The following USP19 variants were observed in gnomAD, a reference collection of about 807,000 sequenced individuals.
USP19 encodes the protein ubiquitin carboxyl-terminal hydrolase 19.
A neutral mutation model predicts 144.8 loss-of-function variants in USP19; 40 were observed. That is an observed-to-expected ratio of 0.28 (90% CI 0.21 to 0.36). The LOEUF (loss-of-function observed/expected upper bound fraction) is 0.36. USP19 is among the 10% of genes least tolerant of loss of function. The pLI is 1.00. For synonymous variants in USP19, 701 were observed against 709.3 expected (o/e 0.99, Z 0.19); for missense variants, 1,518 against 1,822.5 (o/e 0.83, Z 3.04).
In USP19 at chr3:49,115,287, C is replaced by T. The variant is rs756705771; in HGVS notation, c.1963G>A (p.Val655Met). The T allele has an allele frequency of 5.0e-6, 8 of 1,614,136 alleles. No homozygotes were observed. Among genetic ancestry groups the T allele is most frequent in the East Asian group, 4.5e-5 (2 of 44,880 alleles). The change falls in exon 13 of 27, where the codon GTG (valine) becomes ATG (methionine). Residue 655 changes from valine to methionine, a missense_variant. This residue lies in a region of USP19 where 158 missense variants were observed against 277.3 expected (regional missense o/e 0.57). Coordinates refer to ENST00000417901, the MANE Select transcript of USP19 (RefSeq NM_001199161.2). The surrounding 1 kb of genome is among the most constrained non-coding windows in gnomAD (Gnocchi z 6.6). ...TGGRLAIGFA[V>M]LLRALWKGTH... ...CCCTTCCACAGCGCCCGAAGCAGCA[C>T]GGCAAAGCCAATGGCCAGACGCCCA...
chr3:49,115,809 C>T lies in USP19; in HGVS notation c.1607G>A (p.Arg536Gln), dbSNP rs372430770. The T allele has an allele frequency of 2.8e-5, 45 of 1,613,960 alleles. No individual in the cohort carries two copies. The South Asian group carries it at 4.0e-4, about 14-fold the overall frequency. ...RAVEKDKSKA[R>Q]SEDTGLDSVA... Reference sequence around the variant, plus strand: ...ACTGTCTAGCCCTGTGTCCTCAGATCGTGCCTTGGATTTATCCTTCTCCAC... The same window carrying T: ...ACTGTCTAGCCCTGTGTCCTCAGATTGTGCCTTGGATTTATCCTTCTCCAC... The change falls in exon 11 of 27, where the codon CGA becomes CAA. Residue 536 changes from arginine to glutamine, a missense_variant. Physicochemically the swap from Arg to Gln is conservative, Grantham distance 43. Coordinates refer to ENST00000417901, the MANE Select transcript of USP19 (RefSeq NM_001199161.2). The surrounding 1 kb of genome is among the most constrained non-coding windows in gnomAD (Gnocchi z 6.6).
At position 49,116,681 on chromosome 3, in the gene USP19, C is replaced by A. The variant is rs757055206; in HGVS notation, c.1126+46G>T. On this transcript the variant is annotated intron_variant, in intron 7 of 26. Transcript: ENST00000417901. This position sits in a 1 kb window ranked among gnomAD's most constrained non-coding sequence, Gnocchi z 5.0. ...TTGCTACTCTCTATCCACCTACAAA[C>A]TTTGCAACCCAACCTAGGGCTCTGC... 30 of 1,607,702 alleles carry A rather than the reference C, an allele frequency of 1.9e-5. No individual in the cohort carries two copies. In the Middle Eastern group the frequency reaches 2.0e-3, roughly 106 times the overall value.
rs2043371169 is a variant in USP19, at chr3:49,112,725, T to C, written c.2506-96A>G. 2.0e-6 allele frequency: 3 copies of C among 1,511,794 alleles called. No individual in the cohort carries two copies. Among genetic ancestry groups the C allele is most frequent in the East Asian group, 2.3e-5 (1 of 43,012 alleles). 93.6% of individuals were successfully genotyped at this position (1,511,794 alleles called of 1,614,324 possible). ...AAGGCTTGGCCCTGCCTTGGGTCTA[T>C]GTGGGCAGTGGTGAGGTCTGTAGGC... On this transcript the variant is annotated intron_variant, in intron 17 of 26. Coordinates refer to ENST00000417901, the MANE Select transcript of USP19 (RefSeq NM_001199161.2). The surrounding 1 kb of genome is among the most constrained non-coding windows in gnomAD (Gnocchi z 4.9).
Position 49,117,443 on chromosome 3 carries a change from G to A in USP19, c.600C>T (p.Ser200=). 6.2e-7 allele frequency: 1 copy of A among 1,614,162 alleles called. No individual in the cohort carries two copies. Among genetic ancestry groups the A allele is most frequent in the Non-Finnish European group, 8.5e-7 (1 of 1,180,032 alleles). The change falls in exon 5 of 27, where the codon TCC becomes TCT. Residue 200 remains serine, a synonymous_variant. Coordinates refer to ENST00000417901, the MANE Select transcript of USP19 (RefSeq NM_001199161.2). The surrounding 1 kb of genome is among the most constrained non-coding windows in gnomAD (Gnocchi z 4.4). ...CTGTACTACTAGAACTCACCAGGAG[G>A]GAGGGCCACGTGAGCATAGGCACCT... ...PKKVPMLTWP[S]LLKKPLGTQE...
chr3:49,119,097 G>T lies in USP19; in HGVS notation c.49C>A (p.Leu17Met). ...TTCTTCTTACTAGTGGTGTCCTCCA[G>T]TCCTGGGGGCCCTCTCCTTGGGCCT... ...ATGPRRGPPGLEDTTSKKKQK... is the reference protein window; with the variant it reads ...ATGPRRGPPGMEDTTSKKKQK... The change falls in exon 2 of 27, where the codon CTG becomes ATG. Residue 17 changes from leucine (L) to methionine (M), a missense_variant. By Grantham distance (15) the Leu-to-Met change is conservative. Around this residue, in one of 5 missense-constraint regions of USP19, gnomAD observed 707 missense variants for 728.9 expected, o/e 0.97. Coordinates refer to ENST00000417901, the MANE Select transcript of USP19 (RefSeq NM_001199161.2). The T allele has an allele frequency of 6.2e-7, 1 of 1,614,060 alleles. No homozygotes were observed. The highest frequency in any genetic ancestry group is 8.5e-7 in the Non-Finnish European group (1 of 1,180,008).
At position 49,117,809 on chromosome 3, in the gene USP19, T is replaced by C; in HGVS notation, c.320A>G (p.Asp107Gly). ...TKEGACEDPH[D>G]LLATPTPELL... The stretch of plus-strand genomic sequence containing the variant: ...CTCTGGAGTGGGAGTAGCCAAGAGA[T>C]CATGAGGGTCTTCACAAGCTCCTGA... The change falls in exon 4 of 27, where the codon GAT (aspartate) becomes GGT (glycine). Residue 107 changes from aspartate (D) to glycine (G), a missense_variant. Physicochemically the swap from Asp to Gly is moderately conservative, Grantham distance 94. Around this residue, in one of 5 missense-constraint regions of USP19, gnomAD observed 707 missense variants for 728.9 expected, o/e 0.97. Coordinates refer to ENST00000417901, the MANE Select transcript of USP19 (RefSeq NM_001199161.2). This position sits in a 1 kb window ranked among gnomAD's most constrained non-coding sequence, Gnocchi z 4.4. 1 of 1,614,034 alleles carries C rather than the reference T, an allele frequency of 6.2e-7. No individual in the cohort carries two copies. Among genetic ancestry groups the C allele is most frequent in the Non-Finnish European group, 8.5e-7 (1 of 1,180,006 alleles).
chr3:49,118,511 G>A (rs1413362923), intron 2 of USP19, among the ~76,000 whole-genome samples: 2 of 151,856 alleles, frequency 1.3e-5, no homozygotes, highest in Non-Finnish European at 2.9e-5. Context: ...ACTTGAACCC[G>A]GGAGGCAGAG....
chr3:49,110,450 C>T lies in USP19; in HGVS notation c.3853G>A (p.Asp1285Asn). The T allele has an allele frequency of 6.2e-7, 1 of 1,614,010 alleles. No individual in the cohort carries two copies. The highest frequency in any genetic ancestry group is 8.5e-7 in the Non-Finnish European group (1 of 1,179,924). ...TGGCTGTGTGTGCCCTCACCCACGT[C>T]ACTGCGCTGACTGCTACGATCATTG... The part of the protein sequence containing the change: ...LPNDRSSQRS[D>N]VGWRLFDDST... The change falls in exon 25 of 27, where the codon GAC becomes AAC. Residue 1285 changes from aspartate (D) to asparagine (N), a missense_variant. Around this residue, in one of 5 missense-constraint regions of USP19, gnomAD observed 122 missense variants for 200.4 expected, o/e 0.61. Coordinates refer to ENST00000417901, the MANE Select transcript of USP19 (RefSeq NM_001199161.2). This position sits in a 1 kb window ranked among gnomAD's most constrained non-coding sequence, Gnocchi z 6.1.
chr3:49,113,874 A>T (rs2043615439), intron 17 of USP19, 118 bp downstream of exon 17: 8 of 1,117,240 alleles, frequency 7.2e-6, no homozygotes. Context: ...GACTACAGGC[A>T]TGAGCCACTG....
Position 49,115,144 on chromosome 3 carries a change from A to G in USP19, c.2023-27T>C, listed in dbSNP as rs1400178250. On this transcript the variant is annotated intron_variant, in intron 13 of 26. Coordinates refer to ENST00000417901, the MANE Select transcript of USP19 (RefSeq NM_001199161.2). This position sits in a 1 kb window ranked among gnomAD's most constrained non-coding sequence, Gnocchi z 6.6. ...TGGATACAGGAGCCAAGGTGTGAAC[A>G]TGAAGCCCTAGCACCCACTGCACAC... is the stretch of plus-strand genomic sequence containing the variant. The G allele has an allele frequency of 6.2e-7, 1 of 1,612,858 alleles. No individual in the cohort carries two copies. Among genetic ancestry groups the G allele is most frequent in the African/African-American group, 1.3e-5 (1 of 74,882 alleles).
At position 49,118,117 on chromosome 3, in the gene USP19, G is replaced by A. The variant is rs1195397149; in HGVS notation, c.128C>T (p.Thr43Ile). The change falls in exon 3 of 27, where the codon ACA becomes ATA. Residue 43 changes from threonine (T) to isoleucine (I), a missense_variant. By Grantham distance (89) the Thr-to-Ile change is moderately conservative. Around this residue, in one of 5 missense-constraint regions of USP19, gnomAD observed 707 missense variants for 728.9 expected, o/e 0.97. Transcript: ENST00000417901. The part of the protein sequence containing the change: ...ESKDGDPRKE[T>I]GSRYVAQAGL... ...AGCCTGGGCAACATATCGAGACCCT[G>A]TCTCTAAAAAAAAAATAAGAAAAAT... The A allele has an allele frequency of 2.4e-6, 3 of 1,243,454 alleles. No homozygotes were observed. The highest frequency in any genetic ancestry group is 3.4e-6 in the Non-Finnish European group (3 of 890,696). The allele number at this position is 1,243,454 out of a possible 1,614,324, so 77.0% of individuals were successfully genotyped here.
Position 49,112,735 on chromosome 3 carries a change from G to A in USP19, c.2506-106C>T. 6.8e-7 allele frequency: 1 copy of A among 1,473,324 alleles called. No individual in the cohort carries two copies. Among genetic ancestry groups the A allele is most frequent in the Non-Finnish European group, 9.1e-7 (1 of 1,100,998 alleles). The allele number at this position is 1,473,324 out of a possible 1,614,324, so 91.3% of individuals were successfully genotyped here. On this transcript the variant is annotated intron_variant, in intron 17 of 26. Coordinates refer to ENST00000417901, the MANE Select transcript of USP19 (RefSeq NM_001199161.2). The surrounding 1 kb of genome is among the most constrained non-coding windows in gnomAD (Gnocchi z 4.9). ...CCTGCCTTGGGTCTATGTGGGCAGT[G>A]GTGAGGTCTGTAGGCCCAAATAGGC... is the stretch of plus-strand genomic sequence containing the variant.
Position 49,111,599 on chromosome 3 carries a change from G to A in USP19, c.3118C>T (p.Pro1040Ser). The A allele has an allele frequency of 6.2e-7, 1 of 1,612,648 alleles. No homozygotes were observed. The highest frequency in any genetic ancestry group is 1.7e-5 in the Admixed American group (1 of 59,932). Residue 1040 changes from proline (P) to serine (S), a missense_variant, in exon 21 of 27, where the codon CCT becomes TCT. Transcript: ENST00000417901. This position sits in a 1 kb window ranked among gnomAD's most constrained non-coding sequence, Gnocchi z 5.9. Reference sequence around the variant, plus strand: ...GAAATTCCACTGGTGCTGGGCACAGGACCCCGGTCAGGGGCTGCCCACACC... The same window carrying A: ...GAAATTCCACTGGTGCTGGGCACAGAACCCCGGTCAGGGGCTGCCCACACC... ...PRVWAAPDRGPVPSTSGISSE... is the reference protein window; with the variant it reads ...PRVWAAPDRGSVPSTSGISSE...
rs996301432 is a variant in USP19, at chr3:49,114,593, C to A, written c.2292+170G>T. On this transcript the variant is annotated intron_variant, in intron 15 of 26. Coordinates refer to ENST00000417901, the MANE Select transcript of USP19 (RefSeq NM_001199161.2). This position sits in a 1 kb window ranked among gnomAD's most constrained non-coding sequence, Gnocchi z 4.5. ...CATCACTTTTCCCTCAGTCAGGAAGCCTACCCTGAGTGGGCTCTTCAGCCC... is the reference window on the plus strand; with the variant it reads ...CATCACTTTTCCCTCAGTCAGGAAGACTACCCTGAGTGGGCTCTTCAGCCC... Among the ~76,000 whole-genome samples, 1 of 152,244 alleles carries A rather than the reference C, an allele frequency of 6.6e-6. No homozygotes were observed. The highest frequency in any genetic ancestry group is 2.4e-5 in the African/African-American group (1 of 41,458).
In USP19 at chr3:49,115,082, G is replaced by C. The variant is rs1391327820; in HGVS notation, c.2058C>G (p.Gly686=). The C allele has an allele frequency of 6.2e-7, 1 of 1,614,204 alleles. No homozygotes were observed. The highest frequency in any genetic ancestry group is 1.1e-5 in the South Asian group (1 of 91,086). ...IVASKASQFT[G]YAQHDAQEFM... is the part of the protein sequence containing the mutation. The stretch of plus-strand genomic sequence containing the variant: ...ACTCCTGGGCATCATGCTGTGCATA[G>C]CCTGTGAACTGGCTGGCCTTACTCG... Residue 686 remains glycine (G), a synonymous_variant, in exon 14 of 27, where the codon GGC becomes GGG. Transcript: ENST00000417901. The surrounding 1 kb of genome is among the most constrained non-coding windows in gnomAD (Gnocchi z 6.6).
intron 2 of USP19, 141 bp from the exon 3 acceptor site, chr3:49,118,261 G>C: frequency 5.8e-6 from 2 of 342,442 alleles, no homozygotes; most frequent in South Asian, 7.5e-5. Context: ...GTGAGACCCT[G>C]CCTTTAAAAA....
Position 49,112,910 on chromosome 3 carries a change from A to G in USP19, c.2506-281T>C, listed in dbSNP as rs1029574433. ...GCCCTGCTATAACTAGCATAGCCTTATAAGACTGTAACATATTATCATGGA... is the reference window on the plus strand; with the variant it reads ...GCCCTGCTATAACTAGCATAGCCTTGTAAGACTGTAACATATTATCATGGA... On this transcript the variant is annotated intron_variant, in intron 17 of 26. Transcript: ENST00000417901. The surrounding 1 kb of genome is among the most constrained non-coding windows in gnomAD (Gnocchi z 4.9). Among the ~76,000 whole-genome samples the G allele has an allele frequency of 6.6e-5, 10 of 152,188 alleles. No homozygotes were observed. The highest frequency in any genetic ancestry group is 2.2e-4 in the African/African-American group (9 of 41,430).
At position 49,114,745 on chromosome 3, in the gene USP19, CA is replaced by C. The variant is rs1489162597; in HGVS notation, c.2292+17del. ...TGAGCTGAACTAGGGGGTCTCTTTC[CA>C]GGGGAGCCCATCACACCTTGGCACA... is the stretch of plus-strand genomic sequence containing the variant. On this transcript the variant is annotated intron_variant, in intron 15 of 26. Transcript: ENST00000417901. This position sits in a 1 kb window ranked among gnomAD's most constrained non-coding sequence, Gnocchi z 4.5. 6.2e-7 allele frequency: 1 copy of C among 1,613,380 alleles called. No individual in the cohort carries two copies. The highest frequency in any genetic ancestry group is 8.5e-7 in the Non-Finnish European group (1 of 1,179,386).
rs745323111 is a variant in USP19, at chr3:49,115,599, G to T, written c.1733C>A (p.Pro578Gln). 6.2e-6 allele frequency: 10 copies of T among 1,610,716 alleles called. No individual in the cohort carries two copies. Among genetic ancestry groups the T allele is most frequent in the Non-Finnish European group, 7.6e-6 (9 of 1,178,304 alleles). ...TCMVPPMPHS[P>Q]VSGDSVEEEE... ...CTCCTCCACGCTGTCTCCACTAACT[G>T]GGCTGTGGGGCATGGGAGGCACCAT... is the stretch of plus-strand genomic sequence containing the variant. Residue 578 changes from proline (P) to glutamine (Q), a missense_variant, in exon 12 of 27, where the codon CCA becomes CAA. Physicochemically the swap from Pro to Gln is moderately conservative, Grantham distance 76. Around this residue, in one of 5 missense-constraint regions of USP19, gnomAD observed 158 missense variants for 277.3 expected, o/e 0.57. Coordinates refer to ENST00000417901, the MANE Select transcript of USP19 (RefSeq NM_001199161.2). The surrounding 1 kb of genome is among the most constrained non-coding windows in gnomAD (Gnocchi z 6.6).
Sources: allele counts gnomAD v4.1 joint callset (sites outside exome capture counted in the v4.1 genomes callset), GRCh38; gene constraint gnomAD v4.1.1; regional missense constraint gnomAD v4.1.1; non-coding constraint Gnocchi (gnomAD v3.1); transcripts MANE v1.5; gene names NCBI Gene and HGNC (gene_info 2026-07-23, HGNC 2026-07-21).